ZW10: variants seen among roughly 807,000 people sequenced by gnomAD.
ZW10 encodes centromere/kinetochore protein zw10 homolog.
ZW10 carries 53 observed loss-of-function variants against 87.8 expected under a neutral mutation model. The ratio of observed to expected loss-of-function variants is 0.60; its 90% CI spans 0.48 to 0.76. The LOEUF (loss-of-function observed/expected upper bound fraction) is 0.76. Ranked by LOEUF, ZW10 falls within the 30% of genes least tolerant of loss-of-function variation. The pLI is 0.00. For missense variants in ZW10, 837 were observed against 923.0 expected (o/e 0.91, Z 1.21); for synonymous variants, 312 against 329.2 (o/e 0.95, Z 0.57).
chr11:113,736,589 T>G, intron 15 of ZW10, 31 bp downstream of exon 15: 1 of 1,607,406 alleles, frequency 6.2e-7, no homozygotes. Flanking sequence ...CTATGGAGAG[T>G]TATATGCCTC....
chr11:113,773,436 C>A, intron 1 of ZW10, 126 bp downstream of exon 1: 1 of 735,114 alleles, frequency 1.4e-6, no homozygotes, highest in East Asian at 2.8e-5. Context: ...AACTAGATCT[C>A]CCCAACAGGC....
At chr11:113,740,247 G>A (rs1953600970) in intron 11 of ZW10, among the ~76,000 whole-genome samples, 1 of 152,142 alleles carries the variant, frequency 6.6e-6, no homozygotes, top group African/African-American at 2.4e-5. Context: ...GCCCTAGGAA[G>A]AGAGTAAATA....
chr11:113,759,216 T>A (rs536666669), intron 5 of ZW10, among the ~76,000 whole-genome samples: 41 of 151,922 alleles, frequency 2.7e-4, no homozygotes, highest in Non-Finnish European at 5.0e-4. Flanking sequence ...AAAAATGAGG[T>A]CCTAGTTTCA....
intron 7 of ZW10, among the ~76,000 whole-genome samples, chr11:113,750,692 AGAATT>A (rs1210382617): frequency 2.6e-5 from 4 of 152,232 alleles, no homozygotes; most frequent in African/African-American, 9.6e-5. Flanking sequence ...CTGTGAAAAA[AGAATT>A]GACAAAATTA....
intron 7 of ZW10, among the ~76,000 whole-genome samples, chr11:113,755,308 A>G (rs987498504): frequency 1.3e-5 from 2 of 152,226 alleles, no homozygotes; most frequent in Non-Finnish European, 1.5e-5. Context: ...AATTAACAGG[A>G]GTTTGGAAGA....
At chr11:113,737,261 C>T (rs1245898910) in intron 14 of ZW10, among the ~76,000 whole-genome samples, 1 of 152,186 alleles carries the variant, frequency 6.6e-6, no homozygotes, top group Non-Finnish European at 1.5e-5. Context: ...TTTACTAAAT[C>T]AAATTATTGA....
At position 113,737,562 on chromosome 11, in the gene ZW10, T is replaced by A. The variant is rs372783057; in HGVS notation, c.2016+10A>T. ...ATCTCAAGGCTAGTGTAGCATCTAA[T>A]GGCCCTTACCTCTAGGGCAGTAATT... is the stretch of plus-strand genomic sequence containing the variant. On this transcript the variant is annotated intron_variant, in intron 14 of 15. Transcript: ENST00000200135. The A allele has an allele frequency of 4.3e-5, 68 of 1,598,544 alleles. No homozygotes were observed. Among genetic ancestry groups the A allele is most frequent in the Non-Finnish European group, 5.5e-5 (64 of 1,169,920 alleles).
In ZW10 at chr11:113,747,514, C is replaced by T; in HGVS notation, c.1272+17G>A. ...CATATACAATGTTTCATATACAATG[C>T]AATATAACACTGGTACCTTCACAGT... On this transcript the variant is annotated intron_variant, in intron 9 of 15. Transcript: ENST00000200135. 1 of 1,600,048 alleles carries T rather than the reference C, an allele frequency of 6.2e-7. No homozygotes were observed. The highest frequency in any genetic ancestry group is 8.5e-7 in the Non-Finnish European group (1 of 1,170,722).
In ZW10 at chr11:113,758,637, T is replaced by A; in HGVS notation, c.650A>T (p.Glu217Val). Residue 217 changes from glutamate to valine, a missense_variant, in exon 6 of 16, where the codon GAG (glutamate) becomes GTG (valine). By Grantham distance (121) the Glu-to-Val change is moderately radical. Coordinates refer to ENST00000200135, the MANE Select transcript of ZW10 (RefSeq NM_004724.4). ...HLYTEQSHKE[E>V]KTPMPPISSV... is the part of the protein sequence containing the mutation. ...ACTGATGGGTGGCATAGGGGTCTTC[T>A]CCTCTTTGTGCGATTGTTCAGTGTA... 1 of 1,614,130 alleles carries A rather than the reference T, an allele frequency of 6.2e-7. No individual in the cohort carries two copies. Among genetic ancestry groups the A allele is most frequent in the Non-Finnish European group, 8.5e-7 (1 of 1,179,974 alleles).
rs2134867466 is a variant in ZW10, at chr11:113,739,400, G to A, written c.1584-18C>T. On this transcript the variant is annotated intron_variant, in intron 11 of 15. Transcript: ENST00000200135. ...GGTTCTCCCTAGGCCAGAAGGAGGG[G>A]TAGAAAAACAAAGCAACCACCTGTT... 1.3e-6 allele frequency: 2 copies of A among 1,566,798 alleles called. No individual in the cohort carries two copies. Among genetic ancestry groups the A allele is most frequent in the South Asian group, 1.2e-5 (1 of 83,882 alleles).
chr11:113,737,567 C>CAAAAA lies in ZW10; in HGVS notation c.2016+4_2016+5insTTTTT. The CAAAAA allele has an allele frequency of 6.2e-7, 1 of 1,605,428 alleles. No homozygotes were observed. Among genetic ancestry groups the CAAAAA allele is most frequent in the Non-Finnish European group, 8.5e-7 (1 of 1,174,198 alleles). On this transcript the variant is annotated splice_donor_region_variant and intron_variant, in intron 14 of 15. Coordinates refer to ENST00000200135, the MANE Select transcript of ZW10 (RefSeq NM_004724.4). ...AAGGCTAGTGTAGCATCTAATGGCC[C>CAAAAA]TTACCTCTAGGGCAGTAATTTTGCC...
In ZW10 at chr11:113,760,683, C is replaced by G. The variant is rs11214719; in HGVS notation, c.343-93G>C. On this transcript the variant is annotated intron_variant, in intron 3 of 15. Transcript: ENST00000200135. ...AAATGCTCCCACTTTCCCTCCCCCT[C>G]CCCCCTCTAAAAAAAAAAAAAGAAA... 225 of 1,117,018 alleles carry G rather than the reference C, an allele frequency of 2.0e-4. 1 individual carries two copies. Among genetic ancestry groups the G allele is most frequent in the Non-Finnish European group, 1.5e-4 (119 of 786,208 alleles). The allele number at this position is 1,117,018 out of a possible 1,614,324, so 69.2% of individuals were successfully genotyped here. A position where few individuals can be genotyped will look rare whatever the true frequency, so the allele number is the denominator to read the frequency against.
At chr11:113,770,949 AGTCGGGGACTTGAGGAT>A (rs1953959496) in intron 1 of ZW10, among the ~76,000 whole-genome samples, 1 of 149,800 alleles carries the variant, frequency 6.7e-6, no homozygotes, top group Non-Finnish European at 1.5e-5. Context: ...TACTTCCTCA[AGTCGGGGACTTGAGGAT>A]GCTATTTTTT....
chr11:113,766,267 A>G, intron 2 of ZW10, among the ~76,000 whole-genome samples: 1 of 152,120 alleles, frequency 6.6e-6, no homozygotes. Context: ...CAGGAGGGTG[A>G]GGTGAGAGAA....
intron 11 of ZW10, among the ~76,000 whole-genome samples, chr11:113,741,265 C>T (rs1953615481): frequency 6.6e-6 from 1 of 152,088 alleles, no homozygotes; most frequent in South Asian, 2.1e-4. Flanking sequence ...CAAGTGTGAG[C>T]CACTGTGCCT....
At chr11:113,767,177 TAAAA>T (rs34930485) in intron 2 of ZW10, among the ~76,000 whole-genome samples, 3 of 137,598 alleles carry the variant, frequency 2.2e-5, no homozygotes, top group East Asian at 2.1e-4. Flanking sequence ...CTACGATGAT[TAAAA>T]AAAAAAAAAA....
chr11:113,749,852 G>A (rs971397050), intron 7 of ZW10, among the ~76,000 whole-genome samples: 4 of 152,138 alleles, frequency 2.6e-5, no homozygotes, highest in African/African-American at 9.7e-5. Context: ...GTCATTTCTG[G>A]TATTTCATAT....
intron 2 of ZW10, among the ~76,000 whole-genome samples, chr11:113,764,223 T>C (rs561810344): frequency 6.6e-4 from 100 of 152,218 alleles, no homozygotes; most frequent in Non-Finnish European, 1.2e-3. Context: ...GGTCTATATG[T>C]CTGTTTTGGT....
intron 9 of ZW10, among the ~76,000 whole-genome samples, chr11:113,745,748 A>G (rs1234467066): frequency 6.6e-6 from 1 of 152,232 alleles, no homozygotes; most frequent in East Asian, 1.9e-4. Context: ...AAAACCAAAC[A>G]ACAACAAAAA....
Sources: gnomAD v4.1 joint callset for allele counts (sites outside exome capture counted in the v4.1 genomes callset) on GRCh38, gnomAD v4.1.1 for gene constraint, MANE v1.5 for transcripts, NCBI Gene and HGNC (gene_info 2026-07-23, HGNC 2026-07-21) for gene names.